The following EDARADD variants were observed in gnomAD, a reference collection of about 807,000 sequenced individuals.
EDARADD encodes the protein ectodysplasin-A receptor-associated adapter protein.
Under a neutral mutation model 25.6 loss-of-function variants are expected in EDARADD, and 20 were observed. The ratio of observed to expected loss-of-function variants is 0.78; its 90% CI spans 0.55 to 1.14. EDARADD has a LOEUF of 1.14. Ranked by LOEUF, EDARADD falls within the 50% of genes most tolerant of loss-of-function variation. The pLI is 0.00. For synonymous variants in EDARADD, 86 were observed against 94.4 expected (o/e 0.91, Z 0.52); for missense variants, 225 against 270.1 (o/e 0.83, Z 1.17).
upstream of EDARADD, among the ~76,000 whole-genome samples, chr1:236,392,105 T>A (rs1034858555): frequency 6.6e-6 from 1 of 152,330 alleles, no homozygotes. Context: ...TGGAATTTTG[T>A]TTTGTTCATG....
chr1:236,458,649 T>C (rs1658949371), intron 4 of EDARADD, among the ~76,000 whole-genome samples: 1 of 145,822 alleles, frequency 6.9e-6, no homozygotes, highest in African/African-American at 2.6e-5. Context: ...TTCTTTTTTT[T>C]TTTTTTTTTT....
At chr1:236,377,149 G>GTTTA (rs112393651) in intron 3 of EDARADD, among the ~76,000 whole-genome samples, 5 of 145,880 alleles carry the variant, frequency 3.4e-5, no homozygotes, top group East Asian at 4.0e-4. Flanking sequence ...TATATATTTT[G>GTTTA]TTTATTTATT....
intron 3 of EDARADD, among the ~76,000 whole-genome samples, chr1:236,388,717 TC>T (rs1418115964): frequency 6.6e-6 from 1 of 152,224 alleles, no homozygotes; most frequent in African/African-American, 2.4e-5. Flanking sequence ...GTTTGATAAC[TC>T]CCCACCAAGC....
At position 236,363,030 on chromosome 1, in the gene EDARADD, T is replaced by TAA. The variant is rs1553262249; in HGVS notation, c.-6+12192_-6+12193insAA. On this transcript the variant is annotated intron_variant, in intron 3 of 7. Transcript: ENST00000439430. ...AAATATATATATATATATATATATATATAAAATTTGTGTACAGACAGAGTC... is the reference window on the plus strand; with the variant it reads ...AAATATATATATATATATATATATATAAATAAAATTTGTGTACAGACAGAGTC... Among the ~76,000 whole-genome samples the TAA allele has an allele frequency of 1.5e-3, 151 of 101,932 alleles. 6 individuals are homozygous for TAA. The highest frequency in any genetic ancestry group is 5.3e-3 in the African/African-American group (142 of 26,672). 66.9% of individuals were successfully genotyped at this position (101,932 alleles called of 152,430 possible).
chr1:236,385,210 C>T (rs1040992316), intron 3 of EDARADD, among the ~76,000 whole-genome samples: 17 of 146,880 alleles, frequency 1.2e-4, no homozygotes, highest in African/African-American at 4.3e-4. Context: ...AGATCAAGAC[C>T]ATCCTGGCCA....
chr1:236,394,360 A>T lies in EDARADD; in HGVS notation c.-85A>T. ...TCATCTAGAAGGTTTGACTCTGGCC[A>T]GACAACCAGCGAGCATCTTCTCGCA... On this transcript the variant is annotated 5_prime_UTR_variant, in exon 1 of 6. Coordinates refer to ENST00000334232, the MANE Select transcript of EDARADD (RefSeq NM_145861.4). 6.8e-7 allele frequency: 1 copy of T among 1,460,036 alleles called. No homozygotes were observed. Among genetic ancestry groups the T allele is most frequent in the Non-Finnish European group, 9.6e-7 (1 of 1,040,902 alleles). 90.4% of individuals were successfully genotyped at this position (1,460,036 alleles called of 1,614,324 possible).
At position 236,484,270 on chromosome 1, in the gene EDARADD, T is replaced by C. The variant is rs1228768952; in HGVS notation, c.*1621T>C. On this transcript the variant is annotated 3_prime_UTR_variant, in exon 6 of 6. Transcript: ENST00000334232. This position sits in a 1 kb window ranked among gnomAD's most constrained non-coding sequence, Gnocchi z 4.1. Reference sequence around the variant, plus strand: ...CAGGCCAATGGTTGGTGTGTCATGGTGCCTCATCATTCTGGGGAGACTGAA... The same window carrying C: ...CAGGCCAATGGTTGGTGTGTCATGGCGCCTCATCATTCTGGGGAGACTGAA... The C allele has an allele frequency of 4.1e-6, 4 of 966,450 alleles. No homozygotes were observed. Among genetic ancestry groups the C allele is most frequent in the Non-Finnish European group, 5.1e-6 (3 of 590,318 alleles). 59.9% of individuals were successfully genotyped at this position (966,450 alleles called of 1,614,324 possible). A position where few individuals can be genotyped will look rare whatever the true frequency, so the allele number is the denominator to read the frequency against.
At chr1:236,402,304 C>T (rs542747344) in intron 1 of EDARADD, among the ~76,000 whole-genome samples, 14 of 152,206 alleles carry the variant, frequency 9.2e-5, no homozygotes, top group African/African-American at 3.1e-4. Context: ...GGCGTGGTGG[C>T]TTGTGCCTGT....
At chr1:236,350,057 A>C (rs1343174718) in intron 2 of EDARADD, among the ~76,000 whole-genome samples, 3 of 152,184 alleles carry the variant, frequency 2.0e-5, no homozygotes, top group African/African-American at 4.8e-5. Context: ...GGTTGCAGTG[A>C]GCCGTGCCAC....
chr1:236,412,341 G>A (rs776328445), intron 2 of EDARADD, among the ~76,000 whole-genome samples: 9 of 152,088 alleles, frequency 5.9e-5, no homozygotes, highest in Non-Finnish European at 1.3e-4. Flanking sequence ...ATCCCTATTT[G>A]CCATCTCAGA....
At chr1:236,449,342 A>G (rs552245683) in intron 4 of EDARADD, among the ~76,000 whole-genome samples, 1 of 152,314 alleles carries the variant, frequency 6.6e-6, no homozygotes, top group South Asian at 2.1e-4. Context: ...AGGGGACACA[A>G]TTCAGTCCGT....
intron 5 of EDARADD, among the ~76,000 whole-genome samples, chr1:236,472,901 T>A (rs1199418680): frequency 1.3e-5 from 2 of 151,972 alleles, no homozygotes; most frequent in Non-Finnish European, 2.9e-5. Context: ...CACGGTGTCC[T>A]CTCCATAGCA....
rs1659780850 is a variant in EDARADD at position 236,484,647 on chromosome 1, G to T, written c.*1998G>T. ...CTTAGAACTTCTACAGAAGCAGGTT[G>T]CAGTGAGCCGAGATTGCGCCACTGC... On this transcript the variant is annotated 3_prime_UTR_variant, in exon 6 of 6. Transcript: ENST00000334232. The surrounding 1 kb of genome is among the most constrained non-coding windows in gnomAD (Gnocchi z 4.1). 1 of 510,504 alleles carries T rather than the reference G, an allele frequency of 2.0e-6. No homozygotes were observed. The highest frequency in any genetic ancestry group is 3.1e-5 in the Admixed American group (1 of 32,314). The allele number at this position is 510,504 out of a possible 1,614,324, so 31.6% of individuals were successfully genotyped here.
chr1:236,349,854 G>A (rs909929340), intron 2 of EDARADD, among the ~76,000 whole-genome samples: 1 of 152,190 alleles, frequency 6.6e-6, no homozygotes, highest in African/African-American at 2.4e-5. Flanking sequence ...GCTCACGCCT[G>A]TATTCCCAGC....
At position 236,427,420 on chromosome 1, in the gene EDARADD, C is replaced by T. The variant is rs763121649; in HGVS notation, c.189C>T (p.Asn63=). The change falls in exon 4 of 6, where the codon AAC becomes AAT. Residue 63 remains asparagine, a synonymous_variant. Coordinates refer to ENST00000334232, the MANE Select transcript of EDARADD (RefSeq NM_145861.4). ...AAGAATGTGATACAATTACTTTGAACTGCCCACGAAATTCAGATATGAAAA... is the reference window on the plus strand; with the variant it reads ...AAGAATGTGATACAATTACTTTGAATTGCCCACGAAATTCAGATATGAAAA... The part of the protein sequence containing the change: ...KAEECDTITL[N]CPRNSDMKNQ... The T allele has an allele frequency of 2.7e-5, 43 of 1,611,018 alleles. No homozygotes were observed. In the South Asian group the frequency reaches 4.3e-4, roughly 16 times the overall value.
chr1:236,374,824 A>G (rs1667207271), intron 3 of EDARADD, among the ~76,000 whole-genome samples: 1 of 148,624 alleles, frequency 6.7e-6, no homozygotes, highest in African/African-American at 2.5e-5. Flanking sequence ...CTTGTGAACA[A>G]CATCTAGTTG....
intron 5 of EDARADD, among the ~76,000 whole-genome samples, chr1:236,479,296 A>G (rs1295550773): frequency 6.6e-6 from 1 of 151,800 alleles, no homozygotes; most frequent in Non-Finnish European, 1.5e-5. Flanking sequence ...AGTAGTTCAA[A>G]ACCAGCCAGT....
In EDARADD at chr1:236,483,385, C is replaced by A; in HGVS notation, c.*736C>A. 1.4e-6 allele frequency: 2 copies of A among 1,383,614 alleles called. No individual in the cohort carries two copies. The highest frequency in any genetic ancestry group is 1.0e-6 in the Non-Finnish European group (1 of 973,108). 85.7% of individuals were successfully genotyped at this position (1,383,614 alleles called of 1,614,324 possible). A position where few individuals can be genotyped will look rare whatever the true frequency, so the allele number is the denominator to read the frequency against. Reference sequence around the variant, plus strand: ...GTTGAGCCCATCAATAAAACTATTGCACCTGTCCTGGTTAGCAAGAAACTG... The same window carrying A: ...GTTGAGCCCATCAATAAAACTATTGAACCTGTCCTGGTTAGCAAGAAACTG... On this transcript the variant is annotated 3_prime_UTR_variant, in exon 6 of 6. Coordinates refer to ENST00000334232, the MANE Select transcript of EDARADD (RefSeq NM_145861.4).
At chr1:236,409,088 GGAGT>G in intron 1 of EDARADD, 124 bp from the exon 2 acceptor site, 2 of 356,920 alleles carry the variant, frequency 5.6e-6, no homozygotes, top group Non-Finnish European at 9.9e-6. Flanking sequence ...AAAAAAAAAA[GGAGT>G]AAGGTTTTCT....
Sources: gnomAD v4.1 joint callset for allele counts (sites outside exome capture counted in the v4.1 genomes callset) on GRCh38, gnomAD v4.1.1 for gene constraint, Gnocchi (gnomAD v3.1) non-coding constraint, MANE v1.5 for transcripts, NCBI Gene and HGNC (gene_info 2026-07-23, HGNC 2026-07-21) for gene names.